LRP1B: variants seen among roughly 807,000 people sequenced by gnomAD.
LRP1B encodes the protein LDL receptor related protein 1B.
A neutral mutation model predicts 556.6 loss-of-function variants in LRP1B; 217 were observed. The ratio of observed to expected loss-of-function variants is 0.39; its 90% CI spans 0.35 to 0.44. The LOEUF (loss-of-function observed/expected upper bound fraction) is 0.44. Among genes scored for constraint, LRP1B ranks in the 20% least tolerant of loss-of-function variants. The pLI is 1.00. For missense variants in LRP1B, 5,053 were observed against 5,620.8 expected, an observed-to-expected ratio of 0.90 and a Z score of 3.23; for synonymous variants, 2,047 against 1,865.8, an observed-to-expected ratio of 1.10 and a Z score of -2.50.
At chr2:140,573,834 A>G (rs1681418325) in intron 43 of LRP1B, among the ~76,000 whole-genome samples, 1 of 152,036 alleles carries the variant, frequency 6.6e-6, no homozygotes, top group Admixed American at 6.6e-5. Flanking sequence ...AGCCATTACA[A>G]CCTGGAGGAT....
chr2:142,000,546 A>G (rs997193273), intron 1 of LRP1B, among the ~76,000 whole-genome samples: 3 of 152,218 alleles, frequency 2.0e-5, no homozygotes, highest in African/African-American at 7.2e-5. Flanking sequence ...AGATGACTAC[A>G]GATCAGACTC....
chr2:141,111,772 C>T (rs974728847), intron 7 of LRP1B, among the ~76,000 whole-genome samples: 4 of 152,100 alleles, frequency 2.6e-5, no homozygotes, highest in East Asian at 1.9e-4. Flanking sequence ...CTACTCCAGC[C>T]GGTAGTGGTG....
At chr2:140,557,356 A>T (rs1305100891) in intron 43 of LRP1B, among the ~76,000 whole-genome samples, 1 of 152,172 alleles carries the variant, frequency 6.6e-6, no homozygotes, top group Admixed American at 6.6e-5. Context: ...AACTTGTCTC[A>T]ATTTAAAATT....
At chr2:140,855,077 T>C (rs1692573042) in intron 27 of LRP1B, among the ~76,000 whole-genome samples, 1 of 152,126 alleles carries the variant, frequency 6.6e-6, no homozygotes, top group Non-Finnish European at 1.5e-5. Context: ...CCCCCACCTT[T>C]TATTTATGCA....
intron 3 of LRP1B, among the ~76,000 whole-genome samples, chr2:141,381,839 T>C (rs1412926667): frequency 6.6e-6 from 1 of 152,148 alleles, no homozygotes; most frequent in African/African-American, 2.4e-5. Context: ...GGAAGATGGC[T>C]GAATAGGGCA....
rs138688768 is a variant in LRP1B at position 140,529,210 on chromosome 2, G to A, written c.7763-2860C>T. On this transcript the variant is annotated intron_variant, in intron 47 of 90. Coordinates refer to ENST00000389484, the MANE Select transcript of LRP1B (RefSeq NM_018557.3). ...ATCTGTCAGGGATTGTGGATCAAAA[G>A]TAGCAGCAAGAGAGAAAGTAAAACC... 1.8e-3 allele frequency among the ~76,000 whole-genome samples: 281 copies of A among 152,096 alleles called. 2 individuals are homozygous for A. The highest frequency in any genetic ancestry group is 6.0e-3 in the African/African-American group (248 of 41,548).
chr2:141,966,512 T>C (rs549955380), intron 1 of LRP1B, among the ~76,000 whole-genome samples: 347 of 151,962 alleles, frequency 2.3e-3, no homozygotes, highest in African/African-American at 8.1e-3. Flanking sequence ...AGCCAGCTCC[T>C]GCAGCATCTA....
intron 2 of LRP1B, among the ~76,000 whole-genome samples, chr2:141,664,140 C>T (rs1039936331): frequency 1.3e-5 from 2 of 152,128 alleles, no homozygotes; most frequent in East Asian, 1.9e-4. Flanking sequence ...ACTAAAACCA[C>T]GTAATTATCT....
Position 140,886,178 on chromosome 2 carries a change from T to G in LRP1B, c.3924A>C (p.Val1308=). The change falls in exon 24 of 91, where the codon GTA becomes GTC. Residue 1308 remains valine (V), a synonymous_variant. Transcript: ENST00000389484. ...GCTTTCCCCGGTATATTCTGTCTTC[T>G]ACAACATCTGTCCAATAAAGTAAAC... ...NQSLLYWTDV[V]EDRIYRGKLS... 3 of 1,610,334 alleles carry G rather than the reference T, an allele frequency of 1.9e-6. No individual in the cohort carries two copies. The highest frequency in any genetic ancestry group is 2.5e-6 in the Non-Finnish European group (3 of 1,177,594).
chr2:140,446,101 T>C (rs1279360043), intron 63 of LRP1B, among the ~76,000 whole-genome samples: 1 of 152,138 alleles, frequency 6.6e-6, no homozygotes, highest in African/African-American at 2.4e-5. Flanking sequence ...TCTATAACAT[T>C]TTGTTAATTA....
At chr2:140,374,175 G>A (rs1002643818) in intron 68 of LRP1B, among the ~76,000 whole-genome samples, 1 of 152,078 alleles carries the variant, frequency 6.6e-6, no homozygotes, top group Non-Finnish European at 1.5e-5. Context: ...ACCTTCCCTG[G>A]GTCTGAACAC....
Position 141,432,530 on chromosome 2 carries a change from T to C in LRP1B, c.343+47866A>G, listed in dbSNP as rs146633463. On this transcript the variant is annotated intron_variant, in intron 3 of 90. Coordinates refer to ENST00000389484, the MANE Select transcript of LRP1B (RefSeq NM_018557.3). The stretch of plus-strand genomic sequence containing the variant: ...CTGGTATTAATTCTTCTTTAAGTGT[T>C]TAGTAGAATTAACCTTGAAGCTATC... Among the ~76,000 whole-genome samples, 26 of 152,208 alleles carry C rather than the reference T, an allele frequency of 1.7e-4. No individual in the cohort carries two copies. The East Asian group carries it at 5.0e-3, about 29-fold the overall frequency.
rs2105187686 is a variant in LRP1B at position 140,884,011 on chromosome 2, G to A, written c.3975C>T (p.Ala1325=). The A allele has an allele frequency of 6.2e-7, 1 of 1,612,296 alleles. No homozygotes were observed. Among genetic ancestry groups the A allele is most frequent in the Non-Finnish European group, 8.5e-7 (1 of 1,179,732 alleles). Residue 1325 remains alanine (A), a synonymous_variant, in exon 25 of 91, where the codon GCC becomes GCT. Transcript: ENST00000389484. ...GKLSESGGVS[A]IEVVVEHGLA... ...GGCCATGCTCCACAACCACTTCAATGGCACTGACACCTACAAAAGAAGGAA... is the reference window on the plus strand; with the variant it reads ...GGCCATGCTCCACAACCACTTCAATAGCACTGACACCTACAAAAGAAGGAA...
chr2:141,153,336 TA>T (rs1164273276), intron 7 of LRP1B, among the ~76,000 whole-genome samples: 2 of 107,704 alleles, frequency 1.9e-5, no homozygotes, highest in South Asian at 5.7e-4. Flanking sequence ...ATTTATATAA[TA>T]ATATATTATA....
intron 2 of LRP1B, among the ~76,000 whole-genome samples, chr2:141,792,807 G>C (rs1249698469): frequency 6.6e-6 from 1 of 151,840 alleles, no homozygotes; most frequent in African/African-American, 2.4e-5. Flanking sequence ...TTTAGATCTG[G>C]TTATGTCATA....
At chr2:141,864,563 G>GAAA (rs11320074) in intron 1 of LRP1B, among the ~76,000 whole-genome samples, 101 of 144,062 alleles carry the variant, frequency 7.0e-4, no homozygotes, top group Middle Eastern at 3.5e-3. Flanking sequence ...AATCTTGAGG[G>GAAA]AAAAAAAAAA....
At chr2:141,820,037 A>T (rs970948960) in intron 1 of LRP1B, among the ~76,000 whole-genome samples, 1 of 152,170 alleles carries the variant, frequency 6.6e-6, no homozygotes, top group Non-Finnish European at 1.5e-5. Flanking sequence ...TTAATCAGTA[A>T]GATAAAATTA....
intron 2 of LRP1B, among the ~76,000 whole-genome samples, chr2:141,676,708 G>A (rs576777411): frequency 6.6e-6 from 1 of 152,122 alleles, no homozygotes; most frequent in African/African-American, 2.4e-5. Context: ...ATGAGGAAAT[G>A]GATGGCTAGC....
At chr2:140,459,357 T>C (rs542009134) in intron 60 of LRP1B, among the ~76,000 whole-genome samples, 1 of 152,248 alleles carries the variant, frequency 6.6e-6, no homozygotes, top group African/African-American at 2.4e-5. Flanking sequence ...TAGAATAAAA[T>C]AAAAATTTAC....
Sources: gnomAD v4.1 joint callset for allele counts (sites outside exome capture counted in the v4.1 genomes callset) on GRCh38, gnomAD v4.1.1 for gene constraint, MANE v1.5 for transcripts, NCBI Gene and HGNC (gene_info 2026-07-23, HGNC 2026-07-21) for gene names.